Variants in CBARP observed in about 807,000 individuals in gnomAD.
The protein encoded by CBARP is voltage-dependent calcium channel beta subunit-associated regulatory protein.
In CBARP, 24 loss-of-function variants were observed where a neutral mutation model predicts 36.3. That is an observed-to-expected ratio of 0.66 (90% CI 0.48 to 0.93). The LOEUF (loss-of-function observed/expected upper bound fraction) is 0.93, where lower values mean the gene tolerates loss of function less well. Ranked by LOEUF, CBARP falls within the 40% of genes least tolerant of loss-of-function variation. CBARP has a pLI of 0.00. For synonymous variants in CBARP, 586 were observed against 453.2 expected (o/e 1.29, Z -3.72); for missense variants, 1,146 against 980.4 (o/e 1.17, Z -2.26).
intron 9 of CBARP, chr19:1,230,788 G>A (rs2080879282): frequency 1.4e-6 from 2 of 1,407,904 alleles, no homozygotes; most frequent in Non-Finnish European, 1.8e-6. Flanking sequence ...GGTGGGAGAG[G>A]GCCTGGGACC....
intron 7 of CBARP, 28 bp downstream of exon 7, chr19:1,234,163 A>T (rs935751884): frequency 4.1e-6 from 6 of 1,474,504 alleles, no homozygotes; most frequent in Non-Finnish European, 5.4e-6. Context: ...GGCTGTGGAC[A>T]CCATGGGGGA....
rs767366962 is a variant in CBARP, at chr19:1,234,651, C to T, written c.547G>A (p.Glu183Lys). The change falls in exon 6 of 10, where the codon GAG (glutamate) becomes AAG (lysine). Residue 183 changes from glutamate to lysine, a missense_variant. By Grantham distance (56) the Glu-to-Lys change is moderately conservative. Coordinates refer to ENST00000650044, the MANE Select transcript of CBARP (RefSeq NM_001393918.1). Reference sequence around the variant, plus strand: ...GAGCTGGCCTCGCCTGAGTCACACTCGTGGATGGTGACAATCTTGAGGGGC... The same window carrying T: ...GAGCTGGCCTCGCCTGAGTCACACTTGTGGATGGTGACAATCTTGAGGGGC... ...LPPLKIVTIHECDSGEASSAT... is the reference protein window; with the variant it reads ...LPPLKIVTIHKCDSGEASSAT... 5 of 1,611,724 alleles carry T rather than the reference C, an allele frequency of 3.1e-6. No individual in the cohort carries two copies. The highest frequency in any genetic ancestry group is 4.2e-6 in the Non-Finnish European group (5 of 1,179,314).
In CBARP at chr19:1,230,346, T is replaced by C. The variant is rs78681901; in HGVS notation, c.1155-204A>G. On this transcript the variant is annotated intron_variant, in intron 9 of 9. Transcript: ENST00000650044. ...GACCCTGAGCTGTGGCGCCTGCTTA[T>C]TAAGCAGGGTGCCTCCATGCTGGAC... The C allele has an allele frequency of 2.0e-4, 202 of 986,598 alleles. No individual in the cohort carries two copies. The African/African-American group carries it at 3.3e-3, about 16-fold the overall frequency. The allele number at this position is 986,598 out of a possible 1,614,324, so 61.1% of individuals were successfully genotyped here. A position where few individuals can be genotyped will look rare whatever the true frequency, so the allele number is the denominator to read the frequency against.
intron 6 of CBARP, 78 bp downstream of exon 6, chr19:1,234,493 T>C: frequency 6.9e-7 from 1 of 1,441,254 alleles, no homozygotes; most frequent in South Asian, 1.4e-5. Flanking sequence ...AAAGAGTGGG[T>C]GAGGGCGTGG....
chr19:1,230,005 T>C lies in CBARP; in HGVS notation c.1292A>G (p.Gln431Arg). Residue 431 changes from glutamine (Q) to arginine (R), a missense_variant, in exon 10 of 10, where the codon CAG (glutamine) becomes CGG (arginine). Transcript: ENST00000650044. ...AERDAGPEQA[Q>R]TSYRDLWSLR... ...GCTCCACAGGTCGCGGTAGCTGGTCTGGGCCTGCTCGGGGCCCGCGTCCCG... is the reference window on the plus strand; with the variant it reads ...GCTCCACAGGTCGCGGTAGCTGGTCCGGGCCTGCTCGGGGCCCGCGTCCCG... 8.1e-7 allele frequency: 1 copy of C among 1,235,506 alleles called. No individual in the cohort carries two copies. The highest frequency in any genetic ancestry group is 1.0e-6 in the Non-Finnish European group (1 of 966,924). The allele number at this position is 1,235,506 out of a possible 1,614,324, so 76.5% of individuals were successfully genotyped here. A position where few individuals can be genotyped will look rare whatever the true frequency, so the allele number is the denominator to read the frequency against.
chr19:1,230,809 C>G, intron 9 of CBARP: 1 of 1,458,996 alleles, frequency 6.9e-7, no homozygotes, highest in Non-Finnish European at 9.0e-7. Flanking sequence ...ACAGCAGAAC[C>G]CTTCAGGCCT....
chr19:1,231,363 ACACACACAATGCCTGTGCCCCCCCGC>A (rs1340911190), intron 8 of CBARP, 88 bp from the exon 9 acceptor site: 35 of 1,128,110 alleles, frequency 3.1e-5, no homozygotes, highest in South Asian at 1.0e-4. Flanking sequence ...CCCCCGCCAC[ACACACACAATGCCTGTGCCCCCCCGC>A]CACACACAAC....
chr19:1,229,695 GC>G lies in CBARP; in HGVS notation c.1601del (p.Arg534ProfsTer294). ...CGATGCTGTAGTCGCGGCGCGGGCGGCGGGGCCAGGCGCGCGGGCTGCGGGG... is the reference window on the plus strand; with the variant it reads ...CGATGCTGTAGTCGCGGCGCGGGCGGGGGGCCAGGCGCGCGGGCTGCGGGG... ...ARPRSPRAWP[R>X]RPRRDYSIDE... is the part of the protein sequence containing the mutation. On this transcript the variant is annotated frameshift_variant, in exon 10 of 10. Coordinates refer to ENST00000650044, the MANE Select transcript of CBARP (RefSeq NM_001393918.1). LOFTEE classifies it low-confidence loss of function (END_TRUNC). The surrounding 1 kb of genome is among the most constrained non-coding windows in gnomAD (Gnocchi z 5.1). The G allele has an allele frequency of 9.7e-7, 1 of 1,026,732 alleles. No individual in the cohort carries two copies. The highest frequency in any genetic ancestry group is 1.2e-6 in the Non-Finnish European group (1 of 850,572). 63.6% of individuals were successfully genotyped at this position (1,026,732 alleles called of 1,614,324 possible).
chr19:1,235,223 G>C, intron 4 of CBARP, 78 bp from the exon 5 acceptor site: 3 of 1,361,656 alleles, frequency 2.2e-6, no homozygotes, highest in Non-Finnish European at 1.9e-6. Flanking sequence ...TGCTCCTCCG[G>C]GCGGCCACGG....
Position 1,235,907 on chromosome 19 carries a change from G to T in CBARP, c.117C>A (p.Asp39Glu), listed in dbSNP as rs763428574. Residue 39 changes from aspartate (D) to glutamate (E), a missense_variant, in exon 3 of 10, where the codon GAC (aspartate) becomes GAA (glutamate). Transcript: ENST00000650044. Reference sequence around the variant, plus strand: ...GCAGCACGTAGTTGTCCAGGATGGGGTCTGGCTCTGCCTGCGGGTGTGCAG... The same window carrying T: ...GCAGCACGTAGTTGTCCAGGATGGGTTCTGGCTCTGCCTGCGGGTGTGCAG... ...NATGRPTAEP[D>E]PILDNYVLLV... 2 of 1,611,750 alleles carry T rather than the reference G, an allele frequency of 1.2e-6. No homozygotes were observed. The highest frequency in any genetic ancestry group is 1.7e-6 in the Non-Finnish European group (2 of 1,179,800).
intron 3 of CBARP, 106 bp downstream of exon 3, chr19:1,235,673 G>A (rs1024949700): frequency 2.5e-6 from 4 of 1,592,054 alleles, no homozygotes; most frequent in Admixed American, 1.7e-5. Flanking sequence ...AGTCTCCAGA[G>A]GCATAGCCCA....
At chr19:1,234,819 C>T (rs773282292) in intron 5 of CBARP, 77 bp from the exon 6 acceptor site, 27 of 1,545,156 alleles carry the variant, frequency 1.7e-5, no homozygotes, top group Non-Finnish European at 2.3e-5. Context: ...TGCCATCCAC[C>T]CTGCCGGCCT....
rs1320033072 is a variant in CBARP, at chr19:1,231,266, T to A, written c.989A>T (p.Lys330Met). ...CCGCTGCCGCTGGAAGTGGTGCCGC[T>A]TGGGGGAACCTGCGCACGGGATGTG... ...AASLDTRGSP[K>M]RHHFQRQRAA... The change falls in exon 9 of 10, where the codon AAG becomes ATG. Residue 330 changes from lysine (K) to methionine (M), a missense_variant. Lys to Met is a moderately conservative substitution (Grantham distance 95). Transcript: ENST00000650044. The A allele has an allele frequency of 6.2e-7, 1 of 1,600,580 alleles. No individual in the cohort carries two copies.
At chr19:1,235,225 C>T (rs1030375204) in intron 4 of CBARP, 80 bp from the exon 5 acceptor site, 111 of 1,357,828 alleles carry the variant, frequency 8.2e-5, no homozygotes, top group South Asian at 1.6e-4. Flanking sequence ...CTCCTCCGGG[C>T]GGCCACGGCA....
chr19:1,238,086 C>T (rs950949603), upstream of CBARP: 1 of 149,502 alleles, frequency 6.7e-6, no homozygotes, highest in South Asian at 2.1e-4. Flanking sequence ...GGCGCCCACT[C>T]CGCACGCGGA....
chr19:1,229,767 G>A lies in CBARP; in HGVS notation c.1530C>T (p.Gly510=), dbSNP rs2080865177. ...QMDSGYASIE[G]RGAGDDTEPP... ...GCTCGGTGTCGTCGCCTGCGCCGCG[G>A]CCCTCGATGCTGGCGTAGCCACTGT... The change falls in exon 10 of 10, where the codon GGC becomes GGT. Residue 510 remains glycine (G), a synonymous_variant. Transcript: ENST00000650044. This position sits in a 1 kb window ranked among gnomAD's most constrained non-coding sequence, Gnocchi z 5.1. 2 of 1,013,898 alleles carry A rather than the reference G, an allele frequency of 2.0e-6. No homozygotes were observed. The highest frequency in any genetic ancestry group is 5.4e-5 in the Admixed American group (1 of 18,470). 62.8% of individuals were successfully genotyped at this position (1,013,898 alleles called of 1,614,324 possible). A position where few individuals can be genotyped will look rare whatever the true frequency, so the allele number is the denominator to read the frequency against.
At chr19:1,235,262 G>C (rs1304070212) in intron 4 of CBARP, 117 bp from the exon 5 acceptor site, 2 of 1,210,554 alleles carry the variant, frequency 1.7e-6, no homozygotes, top group Admixed American at 8.2e-5. Context: ...CGGCACGGGC[G>C]GCCGGGCTGG....
rs997874813 is a variant in CBARP, at chr19:1,229,422, C to T, written c.1875G>A (p.Pro625=). 6.7e-5 allele frequency: 68 copies of T among 1,010,346 alleles called. No individual in the cohort carries two copies. Among genetic ancestry groups the T allele is most frequent in the African/African-American group, 1.8e-4 (10 of 56,696 alleles). 62.6% of individuals were successfully genotyped at this position (1,010,346 alleles called of 1,614,324 possible). A position where few individuals can be genotyped will look rare whatever the true frequency, so the allele number is the denominator to read the frequency against. The change falls in exon 10 of 10, where the codon CCG becomes CCA. Residue 625 remains proline, a synonymous_variant. Coordinates refer to ENST00000650044, the MANE Select transcript of CBARP (RefSeq NM_001393918.1). The surrounding 1 kb of genome is among the most constrained non-coding windows in gnomAD (Gnocchi z 5.1). ...PLRRGDSVDG[P]PDGRTLGGAG... is the part of the protein sequence containing the mutation. Reference sequence around the variant, plus strand: ...CGCCGCCCAGGGTGCGACCGTCGGGCGGGCCGTCCACGCTGTCGCCGCGCC... The same window carrying T: ...CGCCGCCCAGGGTGCGACCGTCGGGTGGGCCGTCCACGCTGTCGCCGCGCC...
intron 5 of CBARP, 126 bp downstream of exon 5, chr19:1,234,875 C>T (rs2080943937): frequency 6.7e-7 from 1 of 1,497,926 alleles, no homozygotes; most frequent in African/African-American, 1.4e-5. Flanking sequence ...GGCCGCCCCA[C>T]CCCACGGTCC....
Sources: allele counts gnomAD v4.1 joint callset, GRCh38; gene constraint gnomAD v4.1.1; non-coding constraint Gnocchi (gnomAD v3.1); transcripts MANE v1.5; gene names NCBI Gene and HGNC (gene_info 2026-07-23, HGNC 2026-07-21).